The following PRKG1 variants were observed in gnomAD, a reference collection of about 807,000 sequenced individuals.
PRKG1 encodes cGMP-dependent protein kinase 1.
Under a neutral mutation model 88.1 loss-of-function variants are expected in PRKG1, and 35 were observed. The observed-to-expected ratio is 0.40, with a 90% confidence interval of 0.30 to 0.53. PRKG1 has a LOEUF of 0.53. Among genes scored for constraint, PRKG1 ranks in the 20% least tolerant of loss-of-function variants. The probability of loss-of-function intolerance (pLI) is 0.59; values close to 1 mark genes in which losing one functional copy is unlikely to be tolerated. For synonymous variants in PRKG1, 303 were observed against 292.5 expected (o/e 1.04, Z -0.37); for missense variants, 540 against 839.8 (o/e 0.64, Z 4.41).
At chr10:51,908,494 C>T (rs1194417238) in intron 5 of PRKG1, 1 of 151,852 alleles carries the variant, frequency 6.6e-6, no homozygotes, top group Non-Finnish European at 1.5e-5. Flanking sequence ...ATTAATTTAG[C>T]TTTTACTTAG....
intron 7 of PRKG1, among the ~76,000 whole-genome samples, chr10:52,084,057 A>T (rs1407780070): frequency 1.3e-5 from 2 of 152,070 alleles, no homozygotes; most frequent in African/African-American, 4.8e-5. Flanking sequence ...AAGAATATAG[A>T]CAGGACTCTG....
chr10:51,159,938 A>C (rs1476167197), intron 2 of PRKG1, among the ~76,000 whole-genome samples: 1 of 127,020 alleles, frequency 7.9e-6, no homozygotes, highest in Non-Finnish European at 1.6e-5. Flanking sequence ...AATGGACCAA[A>C]AGTGAAATGG....
rs946030654 is a variant in PRKG1 at position 51,580,724 on chromosome 10, T to G, written c.592+112888T>G. 5.3e-5 allele frequency among the ~76,000 whole-genome samples: 8 copies of G among 150,734 alleles called. No homozygotes were observed. The South Asian group carries it at 8.4e-4, about 16-fold the overall frequency. The stretch of plus-strand genomic sequence containing the variant: ...GTAGAAAAATTATATTCTTTTTTTT[T>G]GTATATTATGCAACTATGCTTTTTC... On this transcript the variant is annotated intron_variant, in intron 3 of 17. Transcript: ENST00000373980.
intron 3 of PRKG1, among the ~76,000 whole-genome samples, chr10:51,485,893 C>T (rs2132858209): frequency 6.6e-6 from 1 of 152,260 alleles, no homozygotes; most frequent in East Asian, 1.9e-4. Flanking sequence ...CAGCCATTCA[C>T]ACCTGTTGAT....
intron 1 of PRKG1, among the ~76,000 whole-genome samples, chr10:51,012,328 G>A (rs546066203): frequency 5.9e-5 from 9 of 152,306 alleles, no homozygotes; most frequent in Admixed American, 2.0e-4. Context: ...GTTGACAGCT[G>A]GCCTTGAGAA....
chr10:51,140,722 C>T (rs989578661), intron 1 of PRKG1, among the ~76,000 whole-genome samples: 5 of 152,114 alleles, frequency 3.3e-5, no homozygotes, highest in African/African-American at 9.7e-5. Context: ...TTTCATATCC[C>T]TCTCTCCATT....
intron 2 of PRKG1, among the ~76,000 whole-genome samples, chr10:51,274,039 T>G (rs1589301178): frequency 6.6e-6 from 1 of 152,202 alleles, no homozygotes; most frequent in South Asian, 2.1e-4. Flanking sequence ...CCAAGTTTGT[T>G]GTGAGCTTTA....
intron 5 of PRKG1, among the ~76,000 whole-genome samples, chr10:51,959,455 G>A (rs376361206): frequency 2.6e-5 from 4 of 152,130 alleles, no homozygotes; most frequent in African/African-American, 4.8e-5. Flanking sequence ...AGAGTACGTT[G>A]AGGTAGCATA....
intron 1 of PRKG1, among the ~76,000 whole-genome samples, chr10:51,136,479 A>G (rs1332210629): frequency 1.3e-5 from 2 of 151,672 alleles, no homozygotes; most frequent in Non-Finnish European, 2.9e-5. Context: ...AAAGTTTAGA[A>G]TAGAGCCCTG....
intron 1 of PRKG1, among the ~76,000 whole-genome samples, chr10:51,016,673 C>CTTTTTTTTTTT (rs71029341): frequency 0.023 from 800 of 35,112 alleles, 199 homozygotes; most frequent in South Asian, 0.035. Flanking sequence ...ATTATCCTTT[C>CTTTTTTTTTTT]TTTTTTTTTT....
At chr10:51,689,199 T>A (rs68126674) in intron 3 of PRKG1, among the ~76,000 whole-genome samples, 13,281 of 152,020 alleles carry the variant, frequency 0.087, 672 homozygotes, top group African/African-American at 0.13. Flanking sequence ...GAAAACAGAC[T>A]AATACACCAT....
At chr10:51,040,232 T>TTGTGTG (rs373057468) in intron 1 of PRKG1, among the ~76,000 whole-genome samples, 27,206 of 117,582 alleles carry the variant, frequency 0.23, 3,449 homozygotes, top group East Asian at 0.29. Context: ...TCCATTCCAT[T>TTGTGTG]TGTGTGTGTG....
intron 11 of PRKG1, 66 bp from the exon 12 acceptor site, chr10:52,272,326 C>A (rs371563422): frequency 4.6e-6 from 6 of 1,294,730 alleles, no homozygotes; most frequent in African/African-American, 4.6e-5. Flanking sequence ...CTGGGCCCCC[C>A]AAAATTGCAC....
At chr10:51,742,298 C>G (rs1260526139) in intron 3 of PRKG1, among the ~76,000 whole-genome samples, 1 of 152,110 alleles carries the variant, frequency 6.6e-6, no homozygotes, top group Non-Finnish European at 1.5e-5. Flanking sequence ...ATCTGAGGAC[C>G]TGCTTCCATG....
chr10:51,935,424 G>A (rs1842780727), intron 5 of PRKG1, among the ~76,000 whole-genome samples: 2 of 152,014 alleles, frequency 1.3e-5, no homozygotes, highest in Non-Finnish European at 2.9e-5. Flanking sequence ...GATTCAATTC[G>A]GTAAACAGTT....
In PRKG1 at chr10:51,916,550, C is replaced by T. The variant is rs114019467; in HGVS notation, c.762+8980C>T. On this transcript the variant is annotated intron_variant, in intron 5 of 17. Coordinates refer to ENST00000373980, the MANE Select transcript of PRKG1 (RefSeq NM_006258.4). ...TTTACTTTCTTAATACACTTGCTTT[C>T]ACTTTACTCTGTGGACTCGCCTTGA... 9.5e-3 allele frequency among the ~76,000 whole-genome samples: 1,446 copies of T among 152,320 alleles called. 20 individuals carry two copies. The highest frequency in any genetic ancestry group is 0.032 in the African/African-American group (1,351 of 41,572).
chr10:51,748,873 T>G (rs1473839963), intron 3 of PRKG1, among the ~76,000 whole-genome samples: 2 of 152,244 alleles, frequency 1.3e-5, no homozygotes, highest in Non-Finnish European at 2.9e-5. Flanking sequence ...TCCATTACTC[T>G]TTGTGAACAT....
chr10:51,780,249 A>G (rs1042768208), intron 3 of PRKG1, among the ~76,000 whole-genome samples: 3 of 151,992 alleles, frequency 2.0e-5, no homozygotes, highest in African/African-American at 7.2e-5. Flanking sequence ...ATAGTGGGAG[A>G]TGAACTTTAA....
chr10:51,561,570 T>C (rs567760418), intron 3 of PRKG1, among the ~76,000 whole-genome samples: 5 of 150,536 alleles, frequency 3.3e-5, no homozygotes, highest in South Asian at 2.1e-4. Context: ...CAGCAAAGAA[T>C]AGAAAGTAGC....
Sources: allele counts gnomAD v4.1 joint callset (sites outside exome capture counted in the v4.1 genomes callset), GRCh38; gene constraint gnomAD v4.1.1; transcripts MANE v1.5; gene names NCBI Gene and HGNC (gene_info 2026-07-23, HGNC 2026-07-21).